The following TTC6 variants were observed in gnomAD, a reference collection of about 807,000 sequenced individuals.
TTC6 encodes tetratricopeptide repeat protein 6.
Under a neutral mutation model 210.4 loss-of-function variants are expected in TTC6, and 172 were observed. The observed-to-expected ratio is 0.82, with a 90% confidence interval of 0.72 to 0.93. The LOEUF (loss-of-function observed/expected upper bound fraction) is 0.93. Among genes scored for constraint, TTC6 ranks in the 40% least tolerant of loss-of-function variants. TTC6 has a pLI of 0.00. For synonymous variants in TTC6, 804 were observed against 819.6 expected, an observed-to-expected ratio of 0.98 and a Z score of 0.32; for missense variants, 2,414 against 2,318.1, an observed-to-expected ratio of 1.04 and a Z score of -0.85.
At position 37,787,485 on chromosome 14, in the gene TTC6, C is replaced by A. The variant is rs1158184617; in HGVS notation, c.3284C>A (p.Ala1095Glu). Residue 1095 changes from alanine (A) to glutamate (E), a missense_variant, in exon 15 of 31, where the codon GCA becomes GAA. Ala to Glu is a moderately radical substitution (Grantham distance 107). Transcript: ENST00000553443. ...TTTCCTAGGACATACCGAGGGATTG[C>A]ATATGTTAAATGGAAATTTTATAAA... The A allele has an allele frequency of 2.6e-6, 4 of 1,526,738 alleles. No homozygotes were observed. In the East Asian group the frequency reaches 7.4e-5, roughly 28 times the overall value. 94.6% of individuals were successfully genotyped at this position (1,526,738 alleles called of 1,614,324 possible).
intron 1 of TTC6, among the ~76,000 whole-genome samples, chr14:37,603,873 C>T (rs1373872900): frequency 6.6e-6 from 1 of 152,224 alleles, no homozygotes; most frequent in Non-Finnish European, 1.5e-5. Context: ...GGATTCCAAT[C>T]GAGATACTGC....
At chr14:37,764,405 A>G (rs868234153) in intron 14 of TTC6, among the ~76,000 whole-genome samples, 1 of 152,024 alleles carries the variant, frequency 6.6e-6, no homozygotes, top group Non-Finnish European at 1.5e-5. Flanking sequence ...AGAATTGTTT[A>G]TTTCTCCCTC....
chr14:37,624,662 C>T (rs1305315917), intron 1 of TTC6, among the ~76,000 whole-genome samples: 1 of 151,910 alleles, frequency 6.6e-6, no homozygotes, highest in African/African-American at 2.4e-5. Flanking sequence ...TGCTCTGTCG[C>T]TCAGGCTGGA....
chr14:37,726,430 A>G (rs1251059080), intron 7 of TTC6, among the ~76,000 whole-genome samples: 1 of 152,188 alleles, frequency 6.6e-6, no homozygotes, highest in African/African-American at 2.4e-5. Context: ...TTAGAATGTT[A>G]ATATTGAAAT....
exon 1 of TTC6, chr14:37,622,624 A>G (rs1212271992): frequency 6.5e-7 from 1 of 1,535,032 alleles, no homozygotes; most frequent in African/African-American, 1.4e-5. Flanking sequence ...GAGCGCGAAC[A>G]GAGCCAGGAG....
chr14:37,609,876 T>TA (rs2095631402), intron 2 of TTC6, among the ~76,000 whole-genome samples: 2 of 152,136 alleles, frequency 1.3e-5, no homozygotes, highest in Non-Finnish European at 2.9e-5. Flanking sequence ...CTCCTACACT[T>TA]AGAGTAAAGC....
intron 13 of TTC6, among the ~76,000 whole-genome samples, chr14:37,751,707 A>G (rs1170592490): frequency 1.3e-5 from 2 of 151,966 alleles, no homozygotes; most frequent in African/African-American, 2.4e-5. Flanking sequence ...TTTATTTACT[A>G]TTATAAATTA....
chr14:37,797,550 G>A (rs1056991173), intron 20 of TTC6, among the ~76,000 whole-genome samples: 19 of 150,680 alleles, frequency 1.3e-4, no homozygotes, highest in Admixed American at 4.0e-4. Context: ...ACTAATCCTC[G>A]ATTGTGTGCT....
chr14:37,597,121 T>C (rs1285543658), intron 1 of TTC6, among the ~76,000 whole-genome samples: 1 of 152,036 alleles, frequency 6.6e-6, no homozygotes, highest in African/African-American at 2.4e-5. Context: ...CCCTCCCTAA[T>C]GCAGCCTGCT....
intron 1 of TTC6, among the ~76,000 whole-genome samples, chr14:37,651,041 A>G (rs1027024403): frequency 3.3e-5 from 5 of 152,168 alleles, no homozygotes; most frequent in African/African-American, 1.2e-4. Context: ...AACATATAGA[A>G]GTATTAATAC....
chr14:37,756,924 G>T (rs1410589239), intron 14 of TTC6, among the ~76,000 whole-genome samples: 1 of 152,142 alleles, frequency 6.6e-6, no homozygotes, highest in East Asian at 1.9e-4. Flanking sequence ...AGAAGGAATG[G>T]TACTAGCTTC....
chr14:37,792,512 T>C, intron 17 of TTC6, 98 bp downstream of exon 19: 3 of 951,466 alleles, frequency 3.2e-6, no homozygotes, highest in Non-Finnish European at 4.3e-6. Flanking sequence ...TTTTAGCTAA[T>C]TGTAGGGGCT....
chr14:37,834,958 G>A (rs2096194308), intron 29 of TTC6, among the ~76,000 whole-genome samples: 1 of 152,172 alleles, frequency 6.6e-6, no homozygotes, highest in Non-Finnish European at 1.5e-5. Flanking sequence ...AACATCAGTG[G>A]TGTCTGTGAG....
exon 31 of TTC6, chr14:37,842,440 G>A (rs568306197): frequency 1.7e-4 from 108 of 622,270 alleles, no homozygotes; most frequent in Admixed American, 2.5e-4. Flanking sequence ...TTAATAAAAT[G>A]TTTGTTATAC....
rs1460727504 is a variant in TTC6 at position 37,622,372 on chromosome 14, T to G, written c.308T>G (p.Leu103Arg). ...GGAGGCGCGCCGCGTCCCTCGGGCCTGGGTGAGGCGGCGGCTCCAGGCAAG... is the reference window on the plus strand; with the variant it reads ...GGAGGCGCGCCGCGTCCCTCGGGCCGGGGTGAGGCGGCGGCTCCAGGCAAG... The change falls in exon 1 of 31, where the codon CTG (leucine) becomes CGG (arginine). Residue 103 changes from leucine to arginine, a missense_variant. Transcript: ENST00000553443. 3.3e-6 allele frequency: 5 copies of G among 1,531,486 alleles called. No individual in the cohort carries two copies. In the African/African-American group the frequency reaches 4.1e-5, roughly 13 times the overall value. 94.9% of individuals were successfully genotyped at this position (1,531,486 alleles called of 1,614,324 possible).
At chr14:37,628,794 G>A (rs2095664611) in intron 1 of TTC6, among the ~76,000 whole-genome samples, 1 of 152,174 alleles carries the variant, frequency 6.6e-6, no homozygotes, top group South Asian at 2.1e-4. Context: ...TAAGGTGCAA[G>A]GAAGGGGTCC....
At chr14:37,703,513 G>A (rs1254229653) in intron 5 of TTC6, among the ~76,000 whole-genome samples, 3 of 152,016 alleles carry the variant, frequency 2.0e-5, no homozygotes, top group Admixed American at 6.6e-5. Context: ...GCACTACCAA[G>A]CGTTCTCAAG....
intron 20 of TTC6, 100 bp downstream of exon 22, chr14:37,797,047 A>G (rs1407615770): frequency 9.0e-7 from 1 of 1,110,858 alleles, no homozygotes; most frequent in Non-Finnish European, 1.2e-6. Context: ...ATTAAGTCAT[A>G]CTATTTATTT....
At chr14:37,749,393 C>A (rs2095945318) in exon 11 of TTC6, 2 of 1,426,242 alleles carry the variant, frequency 1.4e-6, no homozygotes, top group Non-Finnish European at 1.8e-6. Context: ...CATGAATGAT[C>A]TGCAGAGAGT....
Sources: allele counts gnomAD v4.1 joint callset (sites outside exome capture counted in the v4.1 genomes callset), GRCh38; gene constraint gnomAD v4.1.1; transcripts MANE v1.5; gene names NCBI Gene and HGNC (gene_info 2026-07-23, HGNC 2026-07-21).